Variants in NTM observed in about 807,000 individuals in gnomAD.
NTM encodes IgLON family member 2.
Under a neutral mutation model 42.1 loss-of-function variants are expected in NTM, and 13 were observed. The ratio of observed to expected loss-of-function variants is 0.31; its 90% CI spans 0.20 to 0.49. The LOEUF (loss-of-function observed/expected upper bound fraction) is 0.49. Among genes scored for constraint, NTM ranks in the 20% least tolerant of loss-of-function variants. The pLI, the probability that NTM is intolerant of heterozygous loss-of-function variation, is 0.99. For missense variants in NTM, 373 were observed against 452.8 expected, an observed-to-expected ratio of 0.82 and a Z score of 1.60; for synonymous variants, 187 against 179.2, an observed-to-expected ratio of 1.04 and a Z score of -0.35.
At chr11:131,637,269 A>C (rs1186582155) in intron 1 of NTM, among the ~76,000 whole-genome samples, 1 of 151,980 alleles carries the variant, frequency 6.6e-6, no homozygotes, top group Non-Finnish European at 1.5e-5. Context: ...TTGGAAGGCC[A>C]GAGTCACCCT....
At chr11:132,033,376 C>T (rs931345081) in intron 2 of NTM, among the ~76,000 whole-genome samples, 5 of 152,222 alleles carry the variant, frequency 3.3e-5, no homozygotes, top group Non-Finnish European at 5.9e-5. Context: ...GTGAATAGAA[C>T]ATTATTGTGT....
chr11:131,684,650 C>T (rs2073566344), intron 1 of NTM, among the ~76,000 whole-genome samples: 1 of 152,218 alleles, frequency 6.6e-6, no homozygotes, highest in Non-Finnish European at 1.5e-5. Context: ...CTGCGGCTTT[C>T]CCAGGCCAGC....
chr11:132,032,075 A>G (rs2075992473), intron 2 of NTM, among the ~76,000 whole-genome samples: 1 of 152,148 alleles, frequency 6.6e-6, no homozygotes, highest in South Asian at 2.1e-4. Context: ...CAAAGTTCTC[A>G]CACTCTGCAC....
chr11:132,318,133 A>G (rs2095477720), intron 7 of NTM, among the ~76,000 whole-genome samples: 1 of 152,172 alleles, frequency 6.6e-6, no homozygotes, highest in African/African-American at 2.4e-5. Flanking sequence ...GAGGTTCTCC[A>G]AAGGAGGAGG....
chr11:131,975,952 A>G (rs1477038791), intron 2 of NTM, among the ~76,000 whole-genome samples: 2 of 152,144 alleles, frequency 1.3e-5, no homozygotes, highest in Non-Finnish European at 1.5e-5. Flanking sequence ...GGCAGAACCA[A>G]GCAGCTCTGG....
chr11:132,024,520 A>C (rs981063877), intron 2 of NTM, among the ~76,000 whole-genome samples: 2 of 152,004 alleles, frequency 1.3e-5, no homozygotes, highest in Non-Finnish European at 2.9e-5. Flanking sequence ...ATTGTTTTGG[A>C]TTTTTTTGTT....
intron 1 of NTM, among the ~76,000 whole-genome samples, chr11:131,664,567 A>G (rs1479358126): frequency 2.6e-5 from 4 of 152,098 alleles, no homozygotes; most frequent in Non-Finnish European, 5.9e-5. Flanking sequence ...CCAGCTGTCT[A>G]TCCCCAGTGC....
chr11:132,114,310 A>G (rs1429367775), intron 2 of NTM, among the ~76,000 whole-genome samples: 2 of 152,146 alleles, frequency 1.3e-5, no homozygotes, highest in East Asian at 1.9e-4. Flanking sequence ...TTCTGCCCCT[A>G]TGAAAGCCTC....
At chr11:132,097,503 C>T (rs149272550) in intron 2 of NTM, among the ~76,000 whole-genome samples, 12 of 152,322 alleles carry the variant, frequency 7.9e-5, no homozygotes, top group African/African-American at 2.2e-4. Context: ...CTCAGAAAGA[C>T]GACTTCCATC....
At chr11:131,974,945 G>A (rs55993772) in intron 2 of NTM, among the ~76,000 whole-genome samples, 26,369 of 152,008 alleles carry the variant, frequency 0.17, 2,303 homozygotes, top group South Asian at 0.2. Flanking sequence ...TGCCTATATC[G>A]TGTCCTTCTG....
Position 131,472,809 on chromosome 11 carries a change from G to C in NTM, c.82+101921G>C, listed in dbSNP as rs545743877. On this transcript the variant is annotated intron_variant, in intron 1 of 8. Transcript: ENST00000683400. ...TGAGGCTGAAAGACACAGCTAGTAA[G>C]AGGTAGACATTCAATCCAGCCTCAT... Among the ~76,000 whole-genome samples the C allele has an allele frequency of 9.9e-5, 15 of 152,190 alleles. No individual in the cohort carries two copies. The South Asian group carries it at 3.1e-3, about 32-fold the overall frequency.
intron 1 of NTM, among the ~76,000 whole-genome samples, chr11:131,760,385 A>G (rs546061093): frequency 6.6e-6 from 1 of 152,296 alleles, no homozygotes; most frequent in East Asian, 1.9e-4. Context: ...AAAAAAGAAA[A>G]AAATCCCTGA....
chr11:131,906,373 G>A (rs2053855780), intron 1 of NTM, among the ~76,000 whole-genome samples: 1 of 152,050 alleles, frequency 6.6e-6, no homozygotes, highest in Non-Finnish European at 1.5e-5. Flanking sequence ...CTTCTAGTCT[G>A]GATTGGCCAG....
chr11:132,087,624 G>A (rs180798657), intron 2 of NTM, among the ~76,000 whole-genome samples: 1 of 152,084 alleles, frequency 6.6e-6, no homozygotes. Context: ...TCTCAAACAA[G>A]GAAGGGGAAA....
At chr11:131,572,620 G>C (rs2057551707) in intron 1 of NTM, among the ~76,000 whole-genome samples, 1 of 152,108 alleles carries the variant, frequency 6.6e-6, no homozygotes, top group African/African-American at 2.4e-5. Flanking sequence ...TTGCAGAGAC[G>C]GCTCCCTGAA....
intron 2 of NTM, among the ~76,000 whole-genome samples, chr11:132,004,722 G>T (rs2070371457): frequency 6.6e-6 from 1 of 151,674 alleles, no homozygotes; most frequent in Non-Finnish European, 1.5e-5. Context: ...GCATATGTGT[G>T]GTAGGATCAC....
At chr11:132,320,858 G>C (rs575055135) in intron 7 of NTM, among the ~76,000 whole-genome samples, 42 of 151,722 alleles carry the variant, frequency 2.8e-4, no homozygotes, top group African/African-American at 9.7e-4. Flanking sequence ...CCTCAAGTGG[G>C]TCCCTGACCC....
At chr11:131,873,289 C>T (rs1334478164) in intron 1 of NTM, among the ~76,000 whole-genome samples, 3 of 151,830 alleles carry the variant, frequency 2.0e-5, no homozygotes, top group East Asian at 2.0e-4. Context: ...CATGTTCTCA[C>T]TCATAAGTGG....
intron 1 of NTM, among the ~76,000 whole-genome samples, chr11:131,559,411 T>C (rs1048285798): frequency 6.6e-6 from 1 of 152,248 alleles, no homozygotes; most frequent in African/African-American, 2.4e-5. Context: ...TTTAAGAATA[T>C]GCTTTGCTTC....
Sources: gnomAD v4.1 joint callset for allele counts (sites outside exome capture counted in the v4.1 genomes callset) on GRCh38, gnomAD v4.1.1 for gene constraint, MANE v1.5 for transcripts, NCBI Gene and HGNC (gene_info 2026-07-23, HGNC 2026-07-21) for gene names.